The following SLC15A5 variants were observed in gnomAD, a reference collection of about 807,000 sequenced individuals.
The protein encoded by SLC15A5 is solute carrier family 15 member 5.
Under a neutral mutation model 56.1 loss-of-function variants are expected in SLC15A5, and 58 were observed. The observed-to-expected ratio is 1.03, with a 90% CI of 0.84 to 1.29. The LOEUF is 1.29. Ranked by LOEUF, SLC15A5 falls within the 50% of genes most tolerant of loss-of-function variation. The probability of loss-of-function intolerance (pLI) is 0.00; values close to 1 mark genes in which losing one functional copy is unlikely to be tolerated. For synonymous variants in SLC15A5, 264 were observed against 250.5 expected (o/e 1.05, Z -0.51); for missense variants, 681 against 672.1 (o/e 1.01, Z -0.15).
intron 5 of SLC15A5, among the ~76,000 whole-genome samples, chr12:16,238,989 A>G (rs1864382535): frequency 8.0e-6 from 1 of 124,674 alleles, no homozygotes; most frequent in Non-Finnish European, 1.8e-5. Context: ...AAAATAAGCA[A>G]ACTAAAACAA....
In SLC15A5 at chr12:16,239,822, A is replaced by G. The variant is rs1864395144; in HGVS notation, c.1021T>C (p.Leu341=). The G allele has an allele frequency of 1.3e-6, 2 of 1,537,210 alleles. No individual in the cohort carries two copies. Among genetic ancestry groups the G allele is most frequent in the Non-Finnish European group, 1.7e-6 (2 of 1,146,870 alleles). The change falls in exon 5 of 9, where the codon TTG becomes CTG. Residue 341 remains leucine (L), a synonymous_variant. Transcript: ENST00000344941. ...GCAATCGGCAGAAGAAATCCATCCA[A>G]ATTCAGGTTGGAATTCATAGTTTGC... ...YLQTMNSNLN[L]DGFLLPIAVM... is the part of the protein sequence containing the mutation.
At chr12:16,255,271 A>C (rs1864560113) in intron 3 of SLC15A5, among the ~76,000 whole-genome samples, 1 of 152,132 alleles carries the variant, frequency 6.6e-6, no homozygotes, top group South Asian at 2.1e-4. Flanking sequence ...CCCTATAGAA[A>C]AGTTGAACTA....
intron 2 of SLC15A5, among the ~76,000 whole-genome samples, chr12:16,258,337 T>C (rs892352769): frequency 2.6e-5 from 4 of 152,126 alleles, no homozygotes; most frequent in African/African-American, 9.7e-5. Flanking sequence ...CTCAGAAATA[T>C]CTGGGTTATA....
At chr12:16,277,199 C>G in intron 1 of SLC15A5, 126 bp downstream of exon 1, 2 of 928,764 alleles carry the variant, frequency 2.2e-6, no homozygotes, top group Admixed American at 3.0e-5. Flanking sequence ...TACATTGAAC[C>G]CACATTCTTA....
At position 16,272,763 on chromosome 12, in the gene SLC15A5, CCA is replaced by C; in HGVS notation, c.380_381del (p.Val127GlyfsTer17). 1 of 1,537,066 alleles carries C rather than the reference CCA, an allele frequency of 6.5e-7. No individual in the cohort carries two copies. Among genetic ancestry groups the C allele is most frequent in the South Asian group, 1.2e-5 (1 of 84,044 alleles). ...LHFLGTALLS[V>X]VAFPLEDFYL... ...TAGAAATCTTCCAAGGGAAAAGCCA[CCA>C]CAGATAACAAAGCAGTGCCTGTAGG... On this transcript the variant is annotated frameshift_variant, in exon 2 of 9. Coordinates refer to ENST00000344941, the MANE Select transcript of SLC15A5 (RefSeq NM_001170798.1). LOFTEE classifies it high-confidence loss of function.
intron 6 of SLC15A5, among the ~76,000 whole-genome samples, chr12:16,218,713 C>T (rs1163567660): frequency 6.6e-6 from 1 of 152,066 alleles, no homozygotes; most frequent in African/African-American, 2.4e-5. Context: ...ATACGTGATC[C>T]ATCATTGATC....
At chr12:16,194,244 T>G in intron 8 of SLC15A5, 101 bp downstream of exon 8, 1 of 636,022 alleles carries the variant, frequency 1.6e-6, no homozygotes. Context: ...ATATTCTAAT[T>G]TGTCCAGTCA....
rs1864393406 is a variant in SLC15A5 at position 16,239,720 on chromosome 12, G to GA, written c.1122dup (p.Pro375SerfsTer3). ...AGAAATGATCCAACTCTCTTAGAGG[G>GA]AAACAGGCAGGTGCTGAAATACTCC... is the stretch of plus-strand genomic sequence containing the variant. On this transcript the variant is annotated frameshift_variant, in exon 5 of 9. Coordinates refer to ENST00000344941, the MANE Select transcript of SLC15A5 (RefSeq NM_001170798.1). LOFTEE classifies it high-confidence loss of function. 2 of 1,537,384 alleles carry GA rather than the reference G, an allele frequency of 1.3e-6. No individual in the cohort carries two copies. Among genetic ancestry groups the GA allele is most frequent in the East Asian group, 4.9e-5 (2 of 40,920 alleles).
chr12:16,239,251 T>A, intron 5 of SLC15A5, among the ~76,000 whole-genome samples: 1 of 152,260 alleles, frequency 6.6e-6, no homozygotes, highest in East Asian at 1.9e-4. Context: ...CACTATTTGA[T>A]AAAGTACTGT....
chr12:16,212,933 A>T (rs924750625), intron 7 of SLC15A5, among the ~76,000 whole-genome samples: 1 of 152,178 alleles, frequency 6.6e-6, no homozygotes, highest in Non-Finnish European at 1.5e-5. Context: ...CTGAGCTGAA[A>T]GCAACTCCTG....
In SLC15A5 at chr12:16,207,814, C is replaced by T. The variant is rs527586434; in HGVS notation, c.1483+9079G>A. Among the ~76,000 whole-genome samples, 160 of 152,102 alleles carry T rather than the reference C, an allele frequency of 1.1e-3. 3 individuals are homozygous for T. The South Asian group carries it at 0.019, about 18-fold the overall frequency. The stretch of plus-strand genomic sequence containing the variant: ...GATTACAGGTGCACGCCACCACTCC[C>T]GGCTAATCTTTGTATTTTTAGTAGA... On this transcript the variant is annotated intron_variant, in intron 7 of 8. Coordinates refer to ENST00000344941, the MANE Select transcript of SLC15A5 (RefSeq NM_001170798.1).
At chr12:16,234,931 T>C (rs1332771748) in intron 5 of SLC15A5, among the ~76,000 whole-genome samples, 1 of 152,108 alleles carries the variant, frequency 6.6e-6, no homozygotes, top group African/African-American at 2.4e-5. Flanking sequence ...TGTAGTGTGA[T>C]GTTTGAGTTT....
At chr12:16,257,908 G>A in intron 2 of SLC15A5, 38 bp from the exon 3 acceptor site, 5 of 1,347,242 alleles carry the variant, frequency 3.7e-6, no homozygotes, top group Non-Finnish European at 4.8e-6. Context: ...AAATACCATT[G>A]AATTGCTTTA....
intron 2 of SLC15A5, among the ~76,000 whole-genome samples, chr12:16,264,657 G>A (rs1217585398): frequency 6.6e-6 from 1 of 152,184 alleles, no homozygotes; most frequent in African/African-American, 2.4e-5. Flanking sequence ...TGTTGTGGGA[G>A]GGACCAGGTG....
intron 5 of SLC15A5, among the ~76,000 whole-genome samples, chr12:16,229,309 C>T (rs1864272131): frequency 6.6e-6 from 1 of 152,198 alleles, no homozygotes; most frequent in Admixed American, 6.6e-5. Context: ...GACCAGGTTT[C>T]AGCCACAGTA....
At chr12:16,227,309 T>A (rs143421464) in intron 5 of SLC15A5, among the ~76,000 whole-genome samples, 1 of 152,212 alleles carries the variant, frequency 6.6e-6, no homozygotes, top group African/African-American at 2.4e-5. Flanking sequence ...ATCAAGATTA[T>A]TGGACACATT....
intron 7 of SLC15A5, among the ~76,000 whole-genome samples, chr12:16,195,299 A>G (rs916233594): frequency 6.6e-6 from 1 of 151,918 alleles, no homozygotes; most frequent in Non-Finnish European, 1.5e-5. Flanking sequence ...ATTTTGGGGT[A>G]TTGTTTAATA....
intron 7 of SLC15A5, among the ~76,000 whole-genome samples, chr12:16,215,141 T>TTCA (rs1864117748): frequency 7.1e-6 from 1 of 141,272 alleles, no homozygotes; most frequent in South Asian, 2.3e-4. Flanking sequence ...AGGCGGAGGT[T>TTCA]GCAGTGGGCC....
At chr12:16,203,299 A>G (rs560986287) in intron 7 of SLC15A5, among the ~76,000 whole-genome samples, 22 of 152,154 alleles carry the variant, frequency 1.4e-4, no homozygotes, top group Non-Finnish European at 3.1e-4. Context: ...AAAGAGAGAT[A>G]TTAGGCATTT....
Sources: gnomAD v4.1 joint callset for allele counts (sites outside exome capture counted in the v4.1 genomes callset) on GRCh38, gnomAD v4.1.1 for gene constraint, MANE v1.5 for transcripts, NCBI Gene and HGNC (gene_info 2026-07-23, HGNC 2026-07-21) for gene names.